ZNF492: variants seen among roughly 807,000 people sequenced by gnomAD.
ZNF492 encodes zinc finger protein 492.
ZNF492 carries 3 observed loss-of-function variants against 6.4 expected under a neutral mutation model. The ratio of observed to expected loss-of-function variants is 0.47; its 90% CI spans 0.21 to 1.22. The LOEUF is 1.22. Among genes scored for constraint, ZNF492 ranks in the 50% most tolerant of loss-of-function variants. The pLI, the probability that ZNF492 is intolerant of heterozygous loss-of-function variation, is 0.22. For synonymous variants in ZNF492, 112 were observed against 205.3 expected (o/e 0.55, Z 3.89); for missense variants, 356 against 612.5 (o/e 0.58, Z 4.42).
intron 1 of ZNF492, among the ~76,000 whole-genome samples, chr19:22,644,820 G>A (rs1291685893): frequency 6.6e-6 from 1 of 152,172 alleles, no homozygotes; most frequent in Non-Finnish European, 1.5e-5. Flanking sequence ...TTCGACGATG[G>A]TTGAACTAAT....
intron 1 of ZNF492, among the ~76,000 whole-genome samples, chr19:22,643,431 A>C (rs1460499489): frequency 6.6e-6 from 1 of 152,228 alleles, no homozygotes. Flanking sequence ...TTGTGTTGTG[A>C]CAAGAGTGCC....
intron 1 of ZNF492, among the ~76,000 whole-genome samples, chr19:22,651,697 G>C (rs1336698521): frequency 6.6e-6 from 1 of 152,092 alleles, no homozygotes; most frequent in East Asian, 1.9e-4. Context: ...AGATACTCAA[G>C]ATTCCTATTG....
At chr19:22,659,228 G>A (rs1397418734) in intron 3 of ZNF492, among the ~76,000 whole-genome samples, 1 of 150,292 alleles carries the variant, frequency 6.7e-6, no homozygotes, top group Non-Finnish European at 1.5e-5. Flanking sequence ...TCATTTTGGT[G>A]ATAGAAAGTA....
At chr19:22,643,221 C>T (rs1053741558) in intron 1 of ZNF492, among the ~76,000 whole-genome samples, 23 of 152,044 alleles carry the variant, frequency 1.5e-4, no homozygotes, top group Admixed American at 6.6e-4. Context: ...TTGCAGTAAG[C>T]GCACATCTTG....
intron 1 of ZNF492, among the ~76,000 whole-genome samples, chr19:22,639,120 G>A (rs1242108964): frequency 1.3e-5 from 2 of 152,060 alleles, no homozygotes; most frequent in African/African-American, 2.4e-5. Flanking sequence ...GACTACAGGC[G>A]TGAGCCACTG....
At chr19:22,651,636 A>G (rs1357928898) in intron 1 of ZNF492, among the ~76,000 whole-genome samples, 1 of 152,122 alleles carries the variant, frequency 6.6e-6, no homozygotes, top group Non-Finnish European at 1.5e-5. Context: ...GAATTTATGA[A>G]CTGCAATATT....
At chr19:22,642,609 T>TC (rs1236872392) in intron 1 of ZNF492, among the ~76,000 whole-genome samples, 2 of 151,908 alleles carry the variant, frequency 1.3e-5, no homozygotes, top group African/African-American at 4.8e-5. Context: ...CAGGATGGTC[T>TC]CCATCTCCTG....
At chr19:22,658,811 C>T (rs1482452224) in intron 3 of ZNF492, among the ~76,000 whole-genome samples, 2 of 143,600 alleles carry the variant, frequency 1.4e-5, no homozygotes, top group African/African-American at 5.6e-5. Flanking sequence ...AATGACTCTT[C>T]ATGTGACCAT....
intron 1 of ZNF492, among the ~76,000 whole-genome samples, chr19:22,636,442 G>A (rs12978964): frequency 0.19 from 29,289 of 151,240 alleles, 3,674 homozygotes; most frequent in African/African-American, 0.37. Flanking sequence ...CTGCTGCTAC[G>A]TTAGTTTTCT....
chr19:22,661,630 C>G (rs1313421060), intron 3 of ZNF492, among the ~76,000 whole-genome samples: 1 of 151,612 alleles, frequency 6.6e-6, no homozygotes, highest in Non-Finnish European at 1.5e-5. Flanking sequence ...GAGTTTTGCT[C>G]CTGTCACCCA....
chr19:22,654,885 C>A (rs1971978674), intron 3 of ZNF492, among the ~76,000 whole-genome samples: 1 of 149,916 alleles, frequency 6.7e-6, no homozygotes, highest in Non-Finnish European at 1.5e-5. Flanking sequence ...ACAGGCGTGA[C>A]CCACCGTGCC....
At chr19:22,636,514 CTGTGTGTGTG>C (rs141601969) in intron 1 of ZNF492, among the ~76,000 whole-genome samples, 27,763 of 147,238 alleles carry the variant, frequency 0.19, 3,217 homozygotes, top group African/African-American at 0.34. Context: ...ACATGATCTT[CTGTGTGTGTG>C]TGTGTGTGTG....
chr19:22,663,883 A>G lies in ZNF492; in HGVS notation c.214A>G (p.Lys72Glu), dbSNP rs1331146097. The G allele has an allele frequency of 2.7e-5, 43 of 1,585,640 alleles. 2 individuals are homozygous for G. Among genetic ancestry groups the G allele is most frequent in the Non-Finnish European group, 3.6e-5 (42 of 1,166,876 alleles). ...YFQKVILRRY[K>E]KCGCENLQLR... Reference sequence around the variant, plus strand: ...CCAAAAAGTGATACTGAGAAGATATAAAAAATGTGGATGTGAAAATTTACA... The same window carrying G: ...CCAAAAAGTGATACTGAGAAGATATGAAAAATGTGGATGTGAAAATTTACA... Residue 72 changes from lysine (K) to glutamate (E), a missense_variant, in exon 4 of 4, where the codon AAA becomes GAA. Transcript: ENST00000456783.
intron 1 of ZNF492, among the ~76,000 whole-genome samples, chr19:22,643,993 A>G (rs1971853313): frequency 6.6e-6 from 1 of 151,600 alleles, no homozygotes; most frequent in Non-Finnish European, 1.5e-5. Context: ...AGAAACTTGT[A>G]TTTTTATATC....
chr19:22,665,132 A>G lies in ZNF492; in HGVS notation c.1463A>G (p.Asn488Ser), dbSNP rs1312199174. The change falls in exon 4 of 4, where the codon AAC becomes AGC. Residue 488 changes from asparagine (N) to serine (S), a missense_variant. By Grantham distance (46) the Asn-to-Ser change is conservative. This residue lies in a region of ZNF492 where 81 missense variants were observed against 115.4 expected (regional missense o/e 0.70). Coordinates refer to ENST00000456783, the MANE Select transcript of ZNF492 (RefSeq NM_020855.3). ...KCEECGKAFN[N>S]SSILNRHKMI... ...GAAGAATGTGGCAAAGCCTTTAACAACTCCTCTATTCTTAACAGACATAAG... is the reference window on the plus strand; with the variant it reads ...GAAGAATGTGGCAAAGCCTTTAACAGCTCCTCTATTCTTAACAGACATAAG... The G allele has an allele frequency of 5.0e-6, 8 of 1,610,614 alleles. 1 individual carries two copies. The African/African-American group carries it at 8.2e-5, about 17-fold the overall frequency.
At position 22,667,138 on chromosome 19, in the gene ZNF492, G is replaced by A. The variant is rs1403949481; in HGVS notation, c.*1873G>A. ...AGCTACTCGGGAGGCTGAGGCAGGA[G>A]AATCACTTGAACCCGGGAAGCAGAG... is the stretch of plus-strand genomic sequence containing the variant. On this transcript the variant is annotated 3_prime_UTR_variant, in exon 4 of 4. Coordinates refer to ENST00000456783, the MANE Select transcript of ZNF492 (RefSeq NM_020855.3). 3 of 152,290 alleles carry A rather than the reference G, an allele frequency of 2.0e-5. No homozygotes were observed. The highest frequency in any genetic ancestry group is 4.8e-5 in the African/African-American group (2 of 41,470). The allele number at this position is 152,290 out of a possible 1,614,324, so 9.4% of individuals were successfully genotyped here. A position where few individuals can be genotyped will look rare whatever the true frequency, so the allele number is the denominator to read the frequency against.
At chr19:22,637,406 C>T (rs1971780134) in intron 1 of ZNF492, among the ~76,000 whole-genome samples, 1 of 152,124 alleles carries the variant, frequency 6.6e-6, no homozygotes, top group African/African-American at 2.4e-5. Context: ...TCCTCTTCTA[C>T]TTTAGCCCCC....
At chr19:22,638,929 G>C (rs992673275) in intron 1 of ZNF492, among the ~76,000 whole-genome samples, 1 of 151,976 alleles carries the variant, frequency 6.6e-6, no homozygotes, top group African/African-American at 2.4e-5. Context: ...TGCAACCTCT[G>C]CCTCCCGGGT....
chr19:22,664,660 C>G lies in ZNF492; in HGVS notation c.991C>G (p.His331Asp), dbSNP rs369098426. The change falls in exon 4 of 4, where the codon CAT becomes GAT. Residue 331 changes from histidine to aspartate, a missense_variant. By Grantham distance (81) the His-to-Asp change is moderately conservative. Transcript: ENST00000456783. Reference protein sequence around the residue: ...LSHLTTHKRIHSGEKPYKCEE... With the variant: ...LSHLTTHKRIDSGEKPYKCEE... ...CCACCTTACTACACATAAGAGAATT[C>G]ATTCTGGAGAGAAACCCTACAAGTG... The G allele has an allele frequency of 6.2e-7, 1 of 1,612,120 alleles. No individual in the cohort carries two copies. Among genetic ancestry groups the G allele is most frequent in the Non-Finnish European group, 8.5e-7 (1 of 1,178,884 alleles).
Sources: gnomAD v4.1 joint callset for allele counts (sites outside exome capture counted in the v4.1 genomes callset) on GRCh38, gnomAD v4.1.1 for gene constraint, gnomAD v4.1.1 regional missense constraint, MANE v1.5 for transcripts, NCBI Gene and HGNC (gene_info 2026-07-23, HGNC 2026-07-21) for gene names.